The following ACTR3C variants were observed in gnomAD, a reference collection of about 807,000 sequenced individuals.
ACTR3C encodes the protein actin-related protein 3C.
ACTR3C carries 18 observed loss-of-function variants against 26.3 expected under a neutral mutation model. The observed-to-expected ratio is 0.68, with a 90% CI of 0.47 to 1.01. The LOEUF is 1.01. ACTR3C is among the 50% of genes least tolerant of loss of function. ACTR3C has a pLI of 0.00. For synonymous variants in ACTR3C, 55 were observed against 94.5 expected (o/e 0.58, Z 2.42); for missense variants, 184 against 250.7 (o/e 0.73, Z 1.80).
At chr7:149,920,027 G>A in the ACTR3C span, among the ~76,000 whole-genome samples, 310 of 150,360 alleles carry the variant, frequency 2.1e-3, no homozygotes, top group Non-Finnish European at 3.1e-3. Context: ...AGGTTGAGTC[G>A]GTATTTATTC....
the ACTR3C span, among the ~76,000 whole-genome samples, chr7:149,885,531 G>A: frequency 6.6e-6 from 1 of 152,202 alleles, no homozygotes; most frequent in Admixed American, 6.5e-5. Flanking sequence ...TTCCTGAGCA[G>A]GGTGGGCGGA....
the ACTR3C span, among the ~76,000 whole-genome samples, chr7:150,154,834 G>T: frequency 6.6e-6 from 1 of 152,136 alleles, no homozygotes; most frequent in African/African-American, 2.4e-5. Context: ...CCAGAAACAT[G>T]CTGAGTTTCA....
the ACTR3C span, among the ~76,000 whole-genome samples, chr7:149,977,732 A>C: frequency 6.6e-6 from 1 of 152,170 alleles, no homozygotes; most frequent in Non-Finnish European, 1.5e-5. Flanking sequence ...TTATAGCCCA[A>C]TCCATCACAG....
chr7:149,953,696 CCT>C, the ACTR3C span, among the ~76,000 whole-genome samples: 1 of 152,038 alleles, frequency 6.6e-6, no homozygotes, highest in Non-Finnish European at 1.5e-5. Context: ...AGACTCTTTT[CCT>C]CTCTCTCCTT....
At chr7:150,105,286 G>T in the ACTR3C span, among the ~76,000 whole-genome samples, 1 of 151,736 alleles carries the variant, frequency 6.6e-6, no homozygotes, top group Non-Finnish European at 1.5e-5. Flanking sequence ...GTTTCACCGT[G>T]TTAGACAGGA....
the ACTR3C span, among the ~76,000 whole-genome samples, chr7:150,220,829 C>G: frequency 6.6e-6 from 1 of 152,294 alleles, no homozygotes; most frequent in Non-Finnish European, 1.5e-5. Flanking sequence ...TCTTTCCACA[C>G]CCCCCTCACC....
At chr7:150,295,172 G>A (rs1007504333) in intron 2 of ACTR3C, 80 bp downstream of exon 2, 505 of 1,524,340 alleles carry the variant, frequency 3.3e-4, no homozygotes, top group Non-Finnish European at 4.4e-4. Context: ...GTCTTCCAGC[G>A]GAGAACCTTG....
chr7:149,981,784 C>G, the ACTR3C span, among the ~76,000 whole-genome samples: 3 of 152,162 alleles, frequency 2.0e-5, no homozygotes, highest in Admixed American at 2.0e-4. Context: ...CCTTGAGTTT[C>G]TTCTGAGCTC....
chr7:149,946,917 T>C, the ACTR3C span, among the ~76,000 whole-genome samples: 1 of 151,346 alleles, frequency 6.6e-6, no homozygotes, highest in Non-Finnish European at 1.5e-5. Context: ...AATCAAATCA[T>C]ATTGTAACAA....
At chr7:150,049,440 T>A in the ACTR3C span, among the ~76,000 whole-genome samples, 1 of 152,200 alleles carries the variant, frequency 6.6e-6, no homozygotes, top group Non-Finnish European at 1.5e-5. Flanking sequence ...TTCCGCCGCC[T>A]CCTTCCACAT....
chr7:150,041,802 C>G, the ACTR3C span, among the ~76,000 whole-genome samples: 1 of 139,178 alleles, frequency 7.2e-6, no homozygotes, highest in Non-Finnish European at 1.6e-5. Flanking sequence ...GGGGTGCCTC[C>G]CCCCCTGCGA....
At chr7:150,040,883 G>A in the ACTR3C span, among the ~76,000 whole-genome samples, 1 of 149,326 alleles carries the variant, frequency 6.7e-6, no homozygotes, top group Non-Finnish European at 1.5e-5. Flanking sequence ...CGAAATGGGA[G>A]GCCTTTATGT....
At chr7:150,209,029 T>C in the ACTR3C span, among the ~76,000 whole-genome samples, 1 of 152,112 alleles carries the variant, frequency 6.6e-6, no homozygotes, top group African/African-American at 2.4e-5. Flanking sequence ...ACAAACTAGT[T>C]ATTGCAGAAG....
the ACTR3C span, among the ~76,000 whole-genome samples, chr7:150,175,704 C>T: frequency 0.15 from 21,913 of 145,088 alleles, 3,363 homozygotes; most frequent in African/African-American, 0.37. Flanking sequence ...CCTAGCTATA[C>T]AGGAGGCTGA....
At chr7:150,034,154 C>T in the ACTR3C span, among the ~76,000 whole-genome samples, 14 of 151,852 alleles carry the variant, frequency 9.2e-5, no homozygotes, top group South Asian at 2.1e-4. Context: ...AAATAGGGGG[C>T]CTTTATGTTC....
the ACTR3C span, among the ~76,000 whole-genome samples, chr7:150,077,024 G>C: frequency 6.6e-6 from 1 of 152,128 alleles, no homozygotes; most frequent in African/African-American, 2.4e-5. Flanking sequence ...AATTAGCCGA[G>C]CATGGTGGTA....
chr7:149,906,408 GTTTCTTTTTTTTTTTTTTT>G, the ACTR3C span, among the ~76,000 whole-genome samples: 1 of 90,706 alleles, frequency 1.1e-5, no homozygotes, highest in Non-Finnish European at 2.1e-5. Context: ...TGTGGGGTTT[GTTTCTTTTTTTTTTTTTTT>G]TTTTTTTTTT....
chr7:150,239,559 T>TAA (rs1254791441), downstream of ACTR3C, among the ~76,000 whole-genome samples: 3 of 138,834 alleles, frequency 2.2e-5, no homozygotes, highest in Non-Finnish European at 3.0e-5. Flanking sequence ...TATATATATA[T>TAA]ATAATTTATT....
rs1834729054 is a variant in ACTR3C, at chr7:150,274,753, A to C, written c.564+10000T>G. Among the ~76,000 whole-genome samples, 1 of 152,252 alleles carries C rather than the reference A, an allele frequency of 6.6e-6. No individual in the cohort carries two copies. Among genetic ancestry groups the C allele is most frequent in the Middle Eastern group, 3.2e-3 (1 of 316 alleles). On this transcript the variant is annotated intron_variant, in intron 6 of 7. Transcript: ENST00000683684. The surrounding 1 kb of genome is among the most constrained non-coding windows in gnomAD (Gnocchi z 4.1). The stretch of plus-strand genomic sequence containing the variant: ...TGACGCCTATACTCTTAACCACGAC[A>C]AACTAAAAATAATACTGCTCAAAAC...
Sources: gnomAD v4.1 joint callset for allele counts (sites outside exome capture counted in the v4.1 genomes callset) on GRCh38, gnomAD v4.1.1 for gene constraint, Gnocchi (gnomAD v3.1) non-coding constraint, MANE v1.5 for transcripts, NCBI Gene and HGNC (gene_info 2026-07-23, HGNC 2026-07-21) for gene names.